TDRD7: variants seen among roughly 807,000 people sequenced by gnomAD.
TDRD7 encodes tudor domain containing 7, also known as tudor domain-containing protein 7.
TDRD7 carries 47 observed loss-of-function variants against 109.8 expected under a neutral mutation model. The observed-to-expected ratio is 0.43, with a 90% CI of 0.34 to 0.55. The LOEUF is 0.55. Ranked by LOEUF, TDRD7 falls within the 20% of genes least tolerant of loss-of-function variation. The probability of loss-of-function intolerance (pLI) is 0.03; values close to 1 mark genes in which losing one functional copy is unlikely to be tolerated. For synonymous variants in TDRD7, 424 were observed against 457.3 expected, an observed-to-expected ratio of 0.93 and a Z score of 0.93; for missense variants, 1,164 against 1,319.2, an observed-to-expected ratio of 0.88 and a Z score of 1.82.
chr9:97,471,544 G>A (rs1003735564), intron 9 of TDRD7, among the ~76,000 whole-genome samples: 8 of 152,170 alleles, frequency 5.3e-5, no homozygotes, highest in Non-Finnish European at 1.2e-4. Context: ...TTATATGTCT[G>A]GAGAACAGAA....
Position 97,428,367 on chromosome 9 carries a change from AT to A in TDRD7, c.-6-90del, listed in dbSNP as rs1828038974. On this transcript the variant is annotated intron_variant, in intron 1 of 16. Coordinates refer to ENST00000355295, the MANE Select transcript of TDRD7 (RefSeq NM_014290.3). Reference sequence around the variant, plus strand: ...ATTGCACAGAAAGTATGCAGTAATAATTTATAAAGTAACAAGTTTCAGCTCT... The same window carrying A: ...ATTGCACAGAAAGTATGCAGTAATAATTATAAAGTAACAAGTTTCAGCTCT... 7 of 1,262,776 alleles carry A rather than the reference AT, an allele frequency of 5.5e-6. No homozygotes were observed. In the Admixed American group the frequency reaches 1.3e-4, roughly 24 times the overall value. The allele number at this position is 1,262,776 out of a possible 1,614,324, so 78.2% of individuals were successfully genotyped here. A position where few individuals can be genotyped will look rare whatever the true frequency, so the allele number is the denominator to read the frequency against.
At chr9:97,428,266 T>G (rs1828035482) in intron 1 of TDRD7, among the ~76,000 whole-genome samples, 194 bp from the exon 2 acceptor site, 1 of 152,244 alleles carries the variant, frequency 6.6e-6, no homozygotes, top group Non-Finnish European at 1.5e-5. Flanking sequence ...GCTGGTCTTG[T>G]GCCTTCTGAC....
intron 6 of TDRD7, among the ~76,000 whole-genome samples, chr9:97,450,131 C>T (rs1318040598): frequency 6.7e-6 from 1 of 150,374 alleles, no homozygotes; most frequent in Non-Finnish European, 1.5e-5. Flanking sequence ...CTAGGGAGTT[C>T]ATCTTTAATG....
rs1829385377 is a variant in TDRD7, at chr9:97,495,707, C to T, written c.3121C>T (p.Arg1041Ter). 7.4e-6 allele frequency: 12 copies of T among 1,614,148 alleles called. No individual in the cohort carries two copies. Among genetic ancestry groups the T allele is most frequent in the African/African-American group, 1.3e-5 (1 of 75,026 alleles). Residue 1041 changes from arginine (R) to a stop codon, truncating the protein, a stop_gained, in exon 17 of 17, where the codon CGA becomes TGA. Coordinates refer to ENST00000355295, the MANE Select transcript of TDRD7 (RefSeq NM_014290.3). LOFTEE classifies it high-confidence loss of function. ...GTCTGAGGAGGCTTCTATGGTGTTT[C>T]GAAATCATGTGGAGAAGAAACCTCT... is the stretch of plus-strand genomic sequence containing the variant. ...QWSEEASMVF[R>*]NHVEKKPLVA...
At chr9:97,442,963 T>C (rs138493271) in intron 6 of TDRD7, among the ~76,000 whole-genome samples, 19 of 152,256 alleles carry the variant, frequency 1.2e-4, no homozygotes, top group African/African-American at 4.6e-4. Context: ...GCCCAGCTAA[T>C]ATTTGTGTAT....
At chr9:97,466,585 A>T (rs760863962) in intron 8 of TDRD7, among the ~76,000 whole-genome samples, 10 of 152,242 alleles carry the variant, frequency 6.6e-5, no homozygotes, top group Non-Finnish European at 1.3e-4. Context: ...ATTATAGTTT[A>T]TTCATGTAGT....
intron 6 of TDRD7, among the ~76,000 whole-genome samples, chr9:97,456,499 A>G (rs1206093654): frequency 6.6e-6 from 1 of 152,170 alleles, no homozygotes; most frequent in African/African-American, 2.4e-5. Flanking sequence ...AATGGAGCAG[A>G]ACAGAGACCT....
rs965642123 is a variant in TDRD7, at chr9:97,460,803, C to G, written c.1442+39C>G. The stretch of plus-strand genomic sequence containing the variant: ...TCTAATTCTTTAGGATTCTGATATA[C>G]TTTTGTCACTTGTCTATTCTTCACA... On this transcript the variant is annotated intron_variant, in intron 7 of 16. Transcript: ENST00000355295. 2.6e-6 allele frequency: 4 copies of G among 1,558,618 alleles called. No homozygotes were observed. In the African/African-American group the frequency reaches 5.4e-5, roughly 21 times the overall value.
At chr9:97,483,675 ATAT>A (rs981635248) in intron 15 of TDRD7, among the ~76,000 whole-genome samples, 2 of 152,102 alleles carry the variant, frequency 1.3e-5, no homozygotes, top group South Asian at 2.1e-4. Flanking sequence ...AAAAATAAAA[ATAT>A]TATGGAAAAA....
intron 1 of TDRD7, among the ~76,000 whole-genome samples, chr9:97,418,198 ATATAACT>A (rs1564191663): frequency 2.0e-5 from 3 of 152,216 alleles, no homozygotes; most frequent in Admixed American, 2.0e-4. Context: ...AGATTGAGAA[ATATAACT>A]TAGAAAAAAC....
At chr9:97,455,300 AG>A (rs1028039600) in intron 6 of TDRD7, among the ~76,000 whole-genome samples, 25 of 152,310 alleles carry the variant, frequency 1.6e-4, no homozygotes, top group Admixed American at 4.6e-4. Flanking sequence ...ATTGAAAAGG[AG>A]GGACTTTGCC....
chr9:97,457,022 A>G (rs1319086862), intron 6 of TDRD7, among the ~76,000 whole-genome samples: 1 of 152,230 alleles, frequency 6.6e-6, no homozygotes, highest in Non-Finnish European at 1.5e-5. Context: ...ATGAACAGAC[A>G]CTTCTCAAAA....
chr9:97,421,897 A>G (rs1003573698), intron 1 of TDRD7, among the ~76,000 whole-genome samples: 5 of 152,136 alleles, frequency 3.3e-5, no homozygotes, highest in Non-Finnish European at 7.4e-5. Context: ...GTCTTTGCCT[A>G]ACCCAAGGCC....
rs867929183 is a variant in TDRD7, at chr9:97,422,109, T to G, written c.-6-6351T>G. 2.0e-5 allele frequency among the ~76,000 whole-genome samples: 3 copies of G among 152,158 alleles called. No homozygotes were observed. The South Asian group carries it at 6.2e-4, about 31-fold the overall frequency. Reference sequence around the variant, plus strand: ...TTAGCATCTTTGTTAAAAATCAGTTTACTAGGCCGGAGGTGGCTCACACCT... The same window carrying G: ...TTAGCATCTTTGTTAAAAATCAGTTGACTAGGCCGGAGGTGGCTCACACCT... On this transcript the variant is annotated intron_variant, in intron 1 of 16. Coordinates refer to ENST00000355295, the MANE Select transcript of TDRD7 (RefSeq NM_014290.3).
In TDRD7 at chr9:97,432,180, A is replaced by G. The variant is rs745629793; in HGVS notation, c.505A>G (p.Asn169Asp). The G allele has an allele frequency of 3.1e-6, 5 of 1,613,844 alleles. No individual in the cohort carries two copies. The highest frequency in any genetic ancestry group is 4.2e-6 in the Non-Finnish European group (5 of 1,179,788). The change falls in exon 4 of 17, where the codon AAT becomes GAT. Residue 169 changes from asparagine (N) to aspartate (D), a missense_variant. Physicochemically the swap from Asn to Asp is conservative, Grantham distance 23. Transcript: ENST00000355295. ...SPYMLHTTLG[N>D]EAFKDIPVQR... is the part of the protein sequence containing the mutation. ...TTATATGCTACACACAACTCTTGGAAATGAAGCATTCAAAGACATTCCAGT... is the reference window on the plus strand; with the variant it reads ...TTATATGCTACACACAACTCTTGGAGATGAAGCATTCAAAGACATTCCAGT...
At chr9:97,416,528 G>T (rs1283524571) in intron 1 of TDRD7, among the ~76,000 whole-genome samples, 1 of 152,190 alleles carries the variant, frequency 6.6e-6, no homozygotes, top group African/African-American at 2.4e-5. Flanking sequence ...CCTGCTGCTT[G>T]TCAGGATGTG....
Position 97,480,937 on chromosome 9 carries a change from A to C in TDRD7, c.2411A>C (p.Lys804Thr). 6.2e-7 allele frequency: 1 copy of C among 1,613,248 alleles called. No homozygotes were observed. The highest frequency in any genetic ancestry group is 2.2e-5 in the East Asian group (1 of 44,858). ...TTGAATTGCTCGGACTGTAGCATTA[A>C]GGTTAGCTATCTTGTTGGGCCTGAT... ...SVLNCSDCSIKVTKVDETRGI... is the reference protein window; with the variant it reads ...SVLNCSDCSITVTKVDETRGI... Residue 804 changes from lysine (K) to threonine (T), a missense_variant and splice_region_variant, in exon 14 of 17, where the codon AAG becomes ACG. Lys to Thr is a moderately conservative substitution (Grantham distance 78, BLOSUM62 -1). Around this residue, in one of 5 missense-constraint regions of TDRD7, gnomAD observed 233 missense variants for 218.0 expected, o/e 1.07. Coordinates refer to ENST00000355295, the MANE Select transcript of TDRD7 (RefSeq NM_014290.3).
chr9:97,447,186 G>A (rs1375137292), intron 6 of TDRD7, among the ~76,000 whole-genome samples: 1 of 152,128 alleles, frequency 6.6e-6, no homozygotes, highest in African/African-American at 2.4e-5. Context: ...TTGCTGTTCT[G>A]GAACTTGAAA....
At chr9:97,419,169 C>G (rs987913320) in intron 1 of TDRD7, among the ~76,000 whole-genome samples, 1 of 152,080 alleles carries the variant, frequency 6.6e-6, no homozygotes, top group African/African-American at 2.4e-5. Context: ...CTTAGGCATA[C>G]GGATATACAA....
Sources: gnomAD v4.1 joint callset for allele counts (sites outside exome capture counted in the v4.1 genomes callset) on GRCh38, gnomAD v4.1.1 for gene constraint, gnomAD v4.1.1 regional missense constraint, MANE v1.5 for transcripts, NCBI Gene and HGNC (gene_info 2026-07-23, HGNC 2026-07-21) for gene names.